Variants in SMARCB1 observed in about 807,000 individuals in gnomAD.
SMARCB1 encodes SWI/SNF related BAF chromatin remodeling complex subunit B1, also known as SWI/SNF-related matrix-associated actin-dependent regulator of chromatin subfamily B member 1.
Under a neutral mutation model 49.0 loss-of-function variants are expected in SMARCB1, and 5 were observed. The ratio of observed to expected loss-of-function variants is 0.10; its 90% confidence interval spans 0.05 to 0.21. The LOEUF (loss-of-function observed/expected upper bound fraction) is 0.21, where lower values mean the gene tolerates loss of function less well. Ranked by LOEUF, SMARCB1 falls within the 10% of genes least tolerant of loss-of-function variation. The pLI is 1.00. For synonymous variants in SMARCB1, 201 were observed against 200.1 expected (o/e 1.00, Z -0.04); for missense variants, 226 against 509.2 (o/e 0.44, Z 5.35).
chr22:23,809,657 C>T (rs567769999), intron 5 of SMARCB1, among the ~76,000 whole-genome samples: 169 of 151,670 alleles, frequency 1.1e-3, no homozygotes, highest in South Asian at 2.1e-3. Context: ...GTGTTCCGCC[C>T]GCCTTGGCCT....
Position 23,816,540 on chromosome 22 carries a change from C to T in SMARCB1, c.629-230C>T. 5 of 615,964 alleles carry T rather than the reference C, an allele frequency of 8.1e-6. No homozygotes were observed. In the South Asian group the frequency reaches 9.5e-5, roughly 12 times the overall value. The allele number at this position is 615,964 out of a possible 1,614,324, so 38.2% of individuals were successfully genotyped here. On this transcript the variant is annotated intron_variant, in intron 5 of 8. Transcript: ENST00000644036. ...ATGAGGGAAGTGTTTATGGCCATGA[C>T]CACCCCCAGGGCATGGAGCAGGAGG...
intron 6 of SMARCB1, among the ~76,000 whole-genome samples, chr22:23,821,824 C>G (rs1457163980): frequency 6.6e-6 from 1 of 151,160 alleles, no homozygotes; most frequent in Non-Finnish European, 1.5e-5. Context: ...ACACTCCAGC[C>G]TGGGCAACAG....
In SMARCB1 at chr22:23,835,891, C is replaced by T. The variant is rs187878084; in HGVS notation, c.*1711C>T. 187 of 985,502 alleles carry T rather than the reference C, an allele frequency of 1.9e-4. 3 individuals carry two copies. The Admixed American group carries it at 3.3e-3, about 17-fold the overall frequency. The allele number at this position is 985,502 out of a possible 1,614,324, so 61.0% of individuals were successfully genotyped here. A position where few individuals can be genotyped will look rare whatever the true frequency, so the allele number is the denominator to read the frequency against. On this transcript the variant is annotated 3_prime_UTR_variant, in exon 9 of 9. Transcript: ENST00000644036. ...ACTCCTGACCGCCAGCTCACACCGC[C>T]GCAAAGCCATCTCCACAAGGTCTGG...
rs547876315 is a variant in SMARCB1 at position 23,797,328 on chromosome 22, A to T, written c.363-3616A>T. On this transcript the variant is annotated intron_variant, in intron 3 of 8. Transcript: ENST00000644036. Reference sequence around the variant, plus strand: ...TTTTTTATTATTATTATTTTTTTTGAGACGGAGTTTCGCTCTGTCGCCCAG... The same window carrying T: ...TTTTTTATTATTATTATTTTTTTTGTGACGGAGTTTCGCTCTGTCGCCCAG... 2.9e-3 allele frequency among the ~76,000 whole-genome samples: 379 copies of T among 132,296 alleles called. 3 individuals carry two copies. The highest frequency in any genetic ancestry group is 0.022 in the South Asian group (90 of 4,178). 86.8% of individuals were successfully genotyped at this position (132,296 alleles called of 152,430 possible). A position where few individuals can be genotyped will look rare whatever the true frequency, so the allele number is the denominator to read the frequency against.
At position 23,835,236 on chromosome 22, in the gene SMARCB1, G is replaced by A; in HGVS notation, c.*1056G>A. On this transcript the variant is annotated 3_prime_UTR_variant, in exon 9 of 9. Coordinates refer to ENST00000644036, the MANE Select transcript of SMARCB1 (RefSeq NM_003073.5). ...TCCCCTCTGTTCTCATCTGTAATAG[G>A]GAGGTGTCCCCATTCTTCAGAATGG... 8.5e-7 allele frequency: 1 copy of A among 1,176,688 alleles called. No individual in the cohort carries two copies. The highest frequency in any genetic ancestry group is 1.6e-5 in the African/African-American group (1 of 63,328). The allele number at this position is 1,176,688 out of a possible 1,614,324, so 72.9% of individuals were successfully genotyped here.
intron 5 of SMARCB1, among the ~76,000 whole-genome samples, chr22:23,810,527 C>A (rs370893716): frequency 4.9e-3 from 388 of 79,488 alleles, no homozygotes; most frequent in Middle Eastern, 0.01. Flanking sequence ...GACTCTGTCT[C>A]AAAAAAAAAA....
At chr22:23,798,637 A>G (rs1928923204) in intron 3 of SMARCB1, among the ~76,000 whole-genome samples, 1 of 152,094 alleles carries the variant, frequency 6.6e-6, no homozygotes, top group Admixed American at 6.6e-5. Flanking sequence ...TAGAAGGGAA[A>G]AGAGTTAAAG....
intron 8 of SMARCB1, 54 bp from the exon 9 acceptor site, chr22:23,834,086 AG>A (rs2030828154): frequency 1.3e-6 from 2 of 1,540,988 alleles, no homozygotes; most frequent in Non-Finnish European, 1.8e-6. Context: ...TGGGAAGGGC[AG>A]CGCCCAGGCT....
chr22:23,790,513 T>C (rs1024416984), intron 1 of SMARCB1, among the ~76,000 whole-genome samples: 2 of 152,180 alleles, frequency 1.3e-5, no homozygotes, highest in African/African-American at 4.8e-5. Context: ...CTGGGCAACA[T>C]AGTGAGACTC....
chr22:23,802,947 C>T (rs1929260678), intron 4 of SMARCB1: 1 of 391,910 alleles, frequency 2.6e-6, no homozygotes, highest in Non-Finnish European at 4.9e-6. Context: ...TAGAATATTT[C>T]CTCTTCTGGA....
At chr22:23,810,179 A>G (rs945613627) in intron 5 of SMARCB1, among the ~76,000 whole-genome samples, 1 of 150,710 alleles carries the variant, frequency 6.6e-6, no homozygotes, top group Non-Finnish European at 1.5e-5. Context: ...CTCAAAAAAA[A>G]AAAAGAAAAA....
chr22:23,811,165 G>T (rs986115734), intron 5 of SMARCB1, among the ~76,000 whole-genome samples: 1 of 152,102 alleles, frequency 6.6e-6, no homozygotes, highest in East Asian at 1.9e-4. Flanking sequence ...ATTAAATAAT[G>T]GTAAAAAGAT....
chr22:23,833,451 T>TC lies in SMARCB1; in HGVS notation c.987-119dup, dbSNP rs1264452224. On this transcript the variant is annotated intron_variant, in intron 7 of 8. Transcript: ENST00000644036. ...CCTTGAGGTTCAGGTGACTGGAGCA[T>TC]CCACTGGGTGCCAGCAGTGCTGCTG... 6.5e-6 allele frequency: 9 copies of TC among 1,383,338 alleles called. No individual in the cohort carries two copies. In the African/African-American group the frequency reaches 1.3e-4, roughly 20 times the overall value. The allele number at this position is 1,383,338 out of a possible 1,614,324, so 85.7% of individuals were successfully genotyped here. A position where few individuals can be genotyped will look rare whatever the true frequency, so the allele number is the denominator to read the frequency against.
At chr22:23,805,183 G>A (rs575996366) in intron 5 of SMARCB1, among the ~76,000 whole-genome samples, 129 of 152,300 alleles carry the variant, frequency 8.5e-4, no homozygotes, top group Non-Finnish European at 1.5e-3. Flanking sequence ...GCCATGTGCC[G>A]GGTGCTTGTC....
intron 3 of SMARCB1, among the ~76,000 whole-genome samples, chr22:23,797,000 C>CTTTTTT (rs1166157626): frequency 7.4e-6 from 1 of 135,396 alleles, no homozygotes; most frequent in East Asian, 2.1e-4. Flanking sequence ...GGTTGTTTTT[C>CTTTTTT]TTTTTTTTTT....
rs2031012276 is a variant in SMARCB1, at chr22:23,835,907, C to A, written c.*1727C>A. On this transcript the variant is annotated 3_prime_UTR_variant, in exon 9 of 9. Transcript: ENST00000644036. ...TCACACCGCCGCAAAGCCATCTCCA[C>A]AAGGTCTGGCTACAACACGGAGGGC... 1 of 985,382 alleles carries A rather than the reference C, an allele frequency of 1.0e-6. No homozygotes were observed. The allele number at this position is 985,382 out of a possible 1,614,324, so 61.0% of individuals were successfully genotyped here. A position where few individuals can be genotyped will look rare whatever the true frequency, so the allele number is the denominator to read the frequency against.
chr22:23,817,008 G>A (rs1288360379), intron 6 of SMARCB1, 72 bp downstream of exon 6: 14 of 1,244,210 alleles, frequency 1.1e-5, no homozygotes, highest in Non-Finnish European at 1.6e-5. Flanking sequence ...AGCACTGAGG[G>A]TACACCAAGG....
Position 23,837,444 on chromosome 22 carries a change from A to G in SMARCB1, c.*3264A>G. 1.5e-6 allele frequency: 1 copy of G among 651,094 alleles called. No homozygotes were observed. Among genetic ancestry groups the G allele is most frequent in the South Asian group, 2.0e-5 (1 of 51,256 alleles). 40.3% of individuals were successfully genotyped at this position (651,094 alleles called of 1,614,324 possible). A position where few individuals can be genotyped will look rare whatever the true frequency, so the allele number is the denominator to read the frequency against. On this transcript the variant is annotated 3_prime_UTR_variant, in exon 9 of 9. Coordinates refer to ENST00000644036, the MANE Select transcript of SMARCB1 (RefSeq NM_003073.5). The stretch of plus-strand genomic sequence containing the variant: ...ATCCTCACTCCCATCAGGACCGTGC[A>G]AGCATCAGTAGATCCGTCCTGACGA...
chr22:23,794,907 C>A (rs1311450406), intron 3 of SMARCB1, among the ~76,000 whole-genome samples: 1 of 151,574 alleles, frequency 6.6e-6, no homozygotes, highest in Non-Finnish European at 1.5e-5. Flanking sequence ...TCAAAAAAAA[C>A]AAAAACAAAA....
Sources: allele counts gnomAD v4.1 joint callset (sites outside exome capture counted in the v4.1 genomes callset), GRCh38; gene constraint gnomAD v4.1.1; transcripts MANE v1.5; gene names NCBI Gene and HGNC (gene_info 2026-07-23, HGNC 2026-07-21).